The following NCKAP5 variants were observed in gnomAD, a reference collection of about 807,000 sequenced individuals.
The protein encoded by NCKAP5 is nck-associated protein 5.
NCKAP5 carries 92 observed loss-of-function variants against 167.0 expected under a neutral mutation model. The observed-to-expected ratio is 0.55, with a 90% confidence interval of 0.47 to 0.66. The LOEUF is 0.66. Among genes scored for constraint, NCKAP5 ranks in the 30% least tolerant of loss-of-function variants. The probability of loss-of-function intolerance (pLI) is 0.00; values close to 1 mark genes in which losing one functional copy is unlikely to be tolerated. For missense variants in NCKAP5, 2,378 were observed against 2,315.0 expected (o/e 1.03, Z -0.56); for synonymous variants, 891 against 877.4 (o/e 1.02, Z -0.27).
chr2:133,439,204 C>T (rs1252473227), intron 3 of NCKAP5, among the ~76,000 whole-genome samples: 5 of 152,138 alleles, frequency 3.3e-5, no homozygotes, highest in Admixed American at 6.5e-5. Context: ...TTCCTGTAGC[C>T]TTCCACTAAG....
At chr2:133,521,629 C>T (rs1684483496) in intron 2 of NCKAP5, among the ~76,000 whole-genome samples, 1 of 152,202 alleles carries the variant, frequency 6.6e-6, no homozygotes, top group African/African-American at 2.4e-5. Flanking sequence ...TCACTGTGTC[C>T]TCACATGGCC....
At chr2:132,845,907 C>T (rs375530804) in intron 11 of NCKAP5, among the ~76,000 whole-genome samples, 93 of 152,236 alleles carry the variant, frequency 6.1e-4, no homozygotes, top group African/African-American at 2.0e-3. Flanking sequence ...TTTCTCATCT[C>T]GTGGAGATAT....
intron 19 of NCKAP5, among the ~76,000 whole-genome samples, chr2:132,701,108 G>A (rs1013507445): frequency 6.6e-6 from 1 of 151,476 alleles, no homozygotes; most frequent in Non-Finnish European, 1.5e-5. Flanking sequence ...TACATAGTTG[G>A]GATATACTTA....
intron 11 of NCKAP5, among the ~76,000 whole-genome samples, chr2:132,855,821 GAAAGAACCCC>G (rs1427121010): frequency 1.3e-5 from 2 of 151,970 alleles, no homozygotes; most frequent in African/African-American, 4.8e-5. Context: ...ACATATATGT[GAAAGAACCCC>G]AAAGGCAGAT....
At chr2:132,910,301 A>C (rs982472710) in intron 8 of NCKAP5, among the ~76,000 whole-genome samples, 2 of 151,890 alleles carry the variant, frequency 1.3e-5, no homozygotes, top group Non-Finnish European at 2.9e-5. Context: ...AAAATGTACA[A>C]TTATTATTGA....
chr2:133,152,733 C>T (rs939963144), intron 5 of NCKAP5, among the ~76,000 whole-genome samples: 1 of 152,132 alleles, frequency 6.6e-6, no homozygotes, highest in African/African-American at 2.4e-5. Context: ...TGCCATATAA[C>T]AAAGTTTTGG....
chr2:133,430,140 T>A (rs1455233666), intron 3 of NCKAP5, among the ~76,000 whole-genome samples: 1 of 152,156 alleles, frequency 6.6e-6, no homozygotes, highest in Admixed American at 6.6e-5. Context: ...TAACTGTTCA[T>A]GTCCTTTGCT....
intron 16 of NCKAP5, among the ~76,000 whole-genome samples, chr2:132,770,980 A>T (rs1284964613): frequency 6.6e-6 from 1 of 152,208 alleles, no homozygotes; most frequent in Non-Finnish European, 1.5e-5. Flanking sequence ...ACATATAATG[A>T]TGTATAGTAC....
chr2:133,493,339 T>C (rs988885616), intron 3 of NCKAP5, among the ~76,000 whole-genome samples: 1 of 152,192 alleles, frequency 6.6e-6, no homozygotes, highest in African/African-American at 2.4e-5. Context: ...AGCTGATAAA[T>C]AACAATTACC....
intron 9 of NCKAP5, among the ~76,000 whole-genome samples, chr2:132,877,074 T>C (rs1333589788): frequency 6.6e-6 from 1 of 152,174 alleles, no homozygotes; most frequent in African/African-American, 2.4e-5. Flanking sequence ...CCCAAAGGCA[T>C]GGTATGTTCC....
At position 133,004,257 on chromosome 2, in the gene NCKAP5, G is replaced by A. The variant is rs528110439; in HGVS notation, c.342-10018C>T. Among the ~76,000 whole-genome samples, 7 of 152,214 alleles carry A rather than the reference G, an allele frequency of 4.6e-5. No homozygotes were observed. In the East Asian group the frequency reaches 1.2e-3, roughly 25 times the overall value. ...CACTATATCCAGATAATGCACAACA[G>A]GTCTACAAAATGGGTTATTTCCCTA... is the stretch of plus-strand genomic sequence containing the variant. On this transcript the variant is annotated intron_variant, in intron 6 of 19. Transcript: ENST00000409261.
At chr2:132,861,108 G>C (rs1041490266) in intron 10 of NCKAP5, among the ~76,000 whole-genome samples, 2 of 152,102 alleles carry the variant, frequency 1.3e-5, no homozygotes, top group African/African-American at 2.4e-5. Context: ...GATGCATTTA[G>C]CGGGAGAGAA....
chr2:133,613,892 T>A, the NCKAP5 span, among the ~76,000 whole-genome samples: 1 of 152,202 alleles, frequency 6.6e-6, no homozygotes, highest in Non-Finnish European at 1.5e-5. Flanking sequence ...GTACTCCTTT[T>A]CCTTGTGTTG....
At chr2:133,518,112 T>A (rs1347738742) in intron 2 of NCKAP5, among the ~76,000 whole-genome samples, 1 of 152,194 alleles carries the variant, frequency 6.6e-6, no homozygotes, top group Non-Finnish European at 1.5e-5. Flanking sequence ...GGGGATAGAT[T>A]GATTCAAAAT....
intron 3 of NCKAP5, among the ~76,000 whole-genome samples, chr2:133,491,097 T>G (rs1681398825): frequency 6.6e-6 from 1 of 152,138 alleles, no homozygotes; most frequent in Non-Finnish European, 1.5e-5. Context: ...CATCTATGAG[T>G]TCATACTCCT....
At chr2:132,751,573 T>C (rs1389278576) in intron 16 of NCKAP5, among the ~76,000 whole-genome samples, 1 of 152,192 alleles carries the variant, frequency 6.6e-6, no homozygotes, top group African/African-American at 2.4e-5. Context: ...GTATGGTTTA[T>C]TGTGGAGCAA....
At chr2:133,538,931 G>GTTTTTTTT (rs71412735) in intron 2 of NCKAP5, among the ~76,000 whole-genome samples, 2 of 108,586 alleles carry the variant, frequency 1.8e-5, no homozygotes, top group Non-Finnish European at 3.5e-5. Context: ...GTTTTTTTGG[G>GTTTTTTTT]TTTTTTTTTT....
At chr2:132,920,128 C>A (rs1468906739) in intron 8 of NCKAP5, among the ~76,000 whole-genome samples, 1 of 136,628 alleles carries the variant, frequency 7.3e-6, no homozygotes, top group African/African-American at 3.3e-5. Context: ...TGCCATCTGG[C>A]CTTTTCATGA....
chr2:132,749,778 C>A (rs1679955648), intron 16 of NCKAP5, among the ~76,000 whole-genome samples: 1 of 152,020 alleles, frequency 6.6e-6, no homozygotes, highest in Non-Finnish European at 1.5e-5. Flanking sequence ...CTTAGCCACG[C>A]AGGACAGTGT....
Sources: allele counts gnomAD v4.1 joint callset (sites outside exome capture counted in the v4.1 genomes callset), GRCh38; gene constraint gnomAD v4.1.1; transcripts MANE v1.5; gene names NCBI Gene and HGNC (gene_info 2026-07-23, HGNC 2026-07-21).